Variants in RBFOX1 observed in about 807,000 individuals in gnomAD.
RBFOX1 encodes the protein RNA binding fox-1 homolog 1.
Under a neutral mutation model 57.7 loss-of-function variants are expected in RBFOX1, and 8 were observed. The observed-to-expected ratio is 0.14, with a 90% CI of 0.08 to 0.25. The LOEUF is 0.25. RBFOX1 is among the 10% of genes least tolerant of loss of function. The pLI is 1.00. For missense variants in RBFOX1, 611 were observed against 548.5 expected (o/e 1.11, Z -1.14); for synonymous variants, 326 against 222.4 (o/e 1.47, Z -4.15).
chr16:7,144,894 G>A (rs2074616325), intron 4 of RBFOX1, among the ~76,000 whole-genome samples: 1 of 152,108 alleles, frequency 6.6e-6, no homozygotes, highest in Non-Finnish European at 1.5e-5. Flanking sequence ...GGGGTCTCCA[G>A]CAGCCCAGTG....
At chr16:6,803,020 C>T (rs530052983) in intron 3 of RBFOX1, among the ~76,000 whole-genome samples, 1 of 152,300 alleles carries the variant, frequency 6.6e-6, no homozygotes, top group East Asian at 1.9e-4. Flanking sequence ...TGCCTTGCTA[C>T]TAGGAAAAGG....
At chr16:7,611,672 C>T (rs137946333) in intron 10 of RBFOX1, among the ~76,000 whole-genome samples, 6 of 151,562 alleles carry the variant, frequency 4.0e-5, no homozygotes, top group South Asian at 2.1e-4. Context: ...GGGGTGGGGG[C>T]GAGGCAGGAA....
At chr16:7,344,101 CTTTTTTTTTTTTTT>C (rs61008217) in intron 4 of RBFOX1, among the ~76,000 whole-genome samples, 1 of 90,612 alleles carries the variant, frequency 1.1e-5, no homozygotes, top group African/African-American at 4.1e-5. Context: ...CTCAGCTTTA[CTTTTTTTTTTTTTT>C]TTTTTTTTTT....
At chr16:6,401,384 C>G (rs907677549) in intron 2 of RBFOX1, among the ~76,000 whole-genome samples, 1 of 152,300 alleles carries the variant, frequency 6.6e-6, no homozygotes, top group African/African-American at 2.4e-5. Context: ...ATAAACACTA[C>G]TACTAACTTA....
chr16:7,591,732 C>G lies in RBFOX1; in HGVS notation c.469-3817C>G, dbSNP rs145265909. Among the ~76,000 whole-genome samples the G allele has an allele frequency of 3.5e-3, 526 of 152,302 alleles. 4 individuals are homozygous for G. The highest frequency in any genetic ancestry group is 5.3e-3 in the Admixed American group (81 of 15,300). ...GATTTTTTAAGCAGTTACACATCAG[C>G]ATCACACCCAGCCCTTTGCCGAGCA... On this transcript the variant is annotated intron_variant, in intron 7 of 15. Coordinates refer to ENST00000550418, the MANE Select transcript of RBFOX1 (RefSeq NM_018723.4).
At chr16:6,901,017 C>G (rs1223083576) in intron 3 of RBFOX1, among the ~76,000 whole-genome samples, 2 of 152,166 alleles carry the variant, frequency 1.3e-5, no homozygotes, top group Non-Finnish European at 2.9e-5. Flanking sequence ...GATATCCCTC[C>G]CATTCACCGA....
chr16:5,897,433 G>T (rs1215470697), intron 4 of RBFOX1, among the ~76,000 whole-genome samples: 1 of 152,126 alleles, frequency 6.6e-6, no homozygotes, highest in Non-Finnish European at 1.5e-5. Flanking sequence ...TTAATCTTCA[G>T]TATTTCATAT....
chr16:6,235,618 A>G (rs941804077), intron 1 of RBFOX1, among the ~76,000 whole-genome samples: 1 of 146,702 alleles, frequency 6.8e-6, no homozygotes, highest in Non-Finnish European at 1.6e-5. Flanking sequence ...ATATTTATAC[A>G]TATATATATA....
rs1047811967 is a variant in RBFOX1 at position 6,981,884 on chromosome 16, T to C, written c.-15-70173T>C. On this transcript the variant is annotated intron_variant, in intron 3 of 15. Coordinates refer to ENST00000550418, the MANE Select transcript of RBFOX1 (RefSeq NM_018723.4). ...TGATGACATTTAAGTTGATTCCACA[T>C]CTTGGCTATTGTGAATAGTGCTGCA... Among the ~76,000 whole-genome samples the C allele has an allele frequency of 3.3e-5, 5 of 152,316 alleles. No homozygotes were observed. In the South Asian group the frequency reaches 8.3e-4, roughly 25 times the overall value.
intron 1 of RBFOX1, among the ~76,000 whole-genome samples, chr16:5,422,577 G>T (rs763248921): frequency 1.8e-4 from 19 of 107,314 alleles, no homozygotes; most frequent in Non-Finnish European, 3.6e-4. Flanking sequence ...GGAGGAGGGG[G>T]AGAGGGAGGA....
chr16:6,866,218 TCTC>T lies in RBFOX1; in HGVS notation c.-15-185838_-15-185836del, dbSNP rs2059886365. On this transcript the variant is annotated intron_variant, in intron 3 of 15. Coordinates refer to ENST00000550418, the MANE Select transcript of RBFOX1 (RefSeq NM_018723.4). The stretch of plus-strand genomic sequence containing the variant: ...GTAGTTCTTTATTACTTCAGTGTCT[TCTC>T]ATCATTTTTTAAGGTTCTGGAAATG... Among the ~76,000 whole-genome samples, 3 of 152,224 alleles carry T rather than the reference TCTC, an allele frequency of 2.0e-5. No individual in the cohort carries two copies. The South Asian group carries it at 6.2e-4, about 32-fold the overall frequency.
chr16:5,771,800 T>G (rs1400379634), intron 3 of RBFOX1, among the ~76,000 whole-genome samples: 1 of 152,224 alleles, frequency 6.6e-6, no homozygotes, highest in Non-Finnish European at 1.5e-5. Context: ...TGTTTGTGTG[T>G]GTGCATGTGT....
chr16:7,671,462 G>A (rs1430822667), intron 13 of RBFOX1: 2 of 1,218,068 alleles, frequency 1.6e-6, no homozygotes, highest in South Asian at 1.3e-5. Flanking sequence ...AAGCAAACTT[G>A]TAAATGAATT....
At chr16:6,087,696 C>T (rs1357609891) in intron 1 of RBFOX1, among the ~76,000 whole-genome samples, 2 of 151,466 alleles carry the variant, frequency 1.3e-5, no homozygotes, top group African/African-American at 2.4e-5. Context: ...GCTCTTTCAC[C>T]AGGCTGGGTG....
At chr16:6,277,478 A>AAAAAAAC in intron 1 of RBFOX1, among the ~76,000 whole-genome samples, 2 of 131,662 alleles carry the variant, frequency 1.5e-5, no homozygotes, top group Admixed American at 7.8e-5. Flanking sequence ...AAAAAAAAAA[A>AAAAAAAC]CCTCAATTTT....
chr16:7,254,601 C>T (rs1305494239), intron 4 of RBFOX1, among the ~76,000 whole-genome samples: 2 of 152,038 alleles, frequency 1.3e-5, no homozygotes, highest in Non-Finnish European at 2.9e-5. Flanking sequence ...GTATATAATC[C>T]TCTCTGTTGC....
chr16:6,941,593 C>G (rs1264186543), intron 3 of RBFOX1, among the ~76,000 whole-genome samples: 2 of 151,668 alleles, frequency 1.3e-5, no homozygotes, highest in East Asian at 3.9e-4. Flanking sequence ...TCTCCTCTAC[C>G]TACTAAATTA....
chr16:6,736,362 G>A (rs12934509), intron 3 of RBFOX1, among the ~76,000 whole-genome samples: 56,555 of 151,720 alleles, frequency 0.37, 11,183 homozygotes, highest in South Asian at 0.47. Context: ...TTATGCCTTT[G>A]CATTCTCATA....
At chr16:5,871,536 C>T (rs138857138) in intron 4 of RBFOX1, among the ~76,000 whole-genome samples, 1 of 152,174 alleles carries the variant, frequency 6.6e-6, no homozygotes, top group Admixed American at 6.5e-5. Flanking sequence ...ACATTTCCCC[C>T]CTATTTATCG....
Sources: gnomAD v4.1 joint callset for allele counts (sites outside exome capture counted in the v4.1 genomes callset) on GRCh38, gnomAD v4.1.1 for gene constraint, MANE v1.5 for transcripts, NCBI Gene and HGNC (gene_info 2026-07-23, HGNC 2026-07-21) for gene names.